Variants in CNTNAP5 observed in about 807,000 individuals in gnomAD.
CNTNAP5 encodes contactin-associated protein-like 5.
In CNTNAP5, 72 loss-of-function variants were observed where a neutral mutation model predicts 150.2. That is an observed-to-expected ratio of 0.48 (90% confidence interval 0.40 to 0.58). The LOEUF is 0.58. Ranked by LOEUF, CNTNAP5 falls within the 20% of genes least tolerant of loss-of-function variation. The pLI, the probability that CNTNAP5 is intolerant of heterozygous loss-of-function variation, is 0.00. For missense variants in CNTNAP5, 1,636 were observed against 1,626.2 expected, an observed-to-expected ratio of 1.01 and a Z score of -0.10; for synonymous variants, 672 against 619.8, an observed-to-expected ratio of 1.08 and a Z score of -1.25.
At chr2:124,895,727 C>A (rs1432499284) in intron 21 of CNTNAP5, among the ~76,000 whole-genome samples, 3 of 151,600 alleles carry the variant, frequency 2.0e-5, no homozygotes, top group African/African-American at 7.3e-5. Context: ...TTGATAACCA[C>A]ACACATGGAC....
At chr2:124,178,838 A>T (rs1403184763) in intron 1 of CNTNAP5, among the ~76,000 whole-genome samples, 2 of 152,110 alleles carry the variant, frequency 1.3e-5, no homozygotes, top group Non-Finnish European at 1.5e-5. Context: ...TATAGCCTGT[A>T]AATAGATAGC....
At chr2:124,301,549 T>G (rs1688567784) in intron 3 of CNTNAP5, among the ~76,000 whole-genome samples, 1 of 152,322 alleles carries the variant, frequency 6.6e-6, no homozygotes, top group South Asian at 2.1e-4. Flanking sequence ...CTACCTATAG[T>G]GCTATGTGAC....
chr2:124,436,098 G>C (rs149415897), intron 5 of CNTNAP5, among the ~76,000 whole-genome samples: 2 of 152,296 alleles, frequency 1.3e-5, no homozygotes, highest in African/African-American at 4.8e-5. Flanking sequence ...GAGATCAGAT[G>C]AATGAAGTTG....
chr2:124,100,260 G>A (rs1332746366), intron 1 of CNTNAP5, among the ~76,000 whole-genome samples: 2 of 152,040 alleles, frequency 1.3e-5, no homozygotes, highest in African/African-American at 2.4e-5. Context: ...CAAGAAGATG[G>A]TGCTAAACTG....
chr2:124,783,436 T>C (rs1054892689), intron 17 of CNTNAP5, among the ~76,000 whole-genome samples: 3 of 152,170 alleles, frequency 2.0e-5, no homozygotes, highest in Admixed American at 6.5e-5. Flanking sequence ...ATCAATTAAA[T>C]ATTAATATTT....
intron 20 of CNTNAP5, among the ~76,000 whole-genome samples, chr2:124,867,217 G>T (rs978082379): frequency 6.6e-6 from 1 of 152,080 alleles, no homozygotes; most frequent in African/African-American, 2.4e-5. Context: ...GACAACAATA[G>T]CTAAACAAGC....
intron 8 of CNTNAP5, among the ~76,000 whole-genome samples, chr2:124,506,420 A>C (rs1694409055): frequency 6.6e-6 from 1 of 152,126 alleles, no homozygotes. Flanking sequence ...TTTCATACTC[A>C]TGCCTCTCTG....
At position 124,706,209 on chromosome 2, in the gene CNTNAP5, G is replaced by A. The variant is rs965894118; in HGVS notation, c.2078-41020G>A. Among the ~76,000 whole-genome samples, 3 of 151,990 alleles carry A rather than the reference G, an allele frequency of 2.0e-5. No homozygotes were observed. In the South Asian group the frequency reaches 6.2e-4, roughly 31 times the overall value. On this transcript the variant is annotated intron_variant, in intron 13 of 23. Coordinates refer to ENST00000682447, the MANE Select transcript of CNTNAP5 (RefSeq NM_001367498.1). ...CCAAATGTTAGAAATAATTAGTTTT[G>A]TAAGGCTTGGGGTCAATGTCCATTG...
At chr2:124,209,150 A>T (rs1275467450) in intron 1 of CNTNAP5, among the ~76,000 whole-genome samples, 1 of 152,116 alleles carries the variant, frequency 6.6e-6, no homozygotes, top group Non-Finnish European at 1.5e-5. Flanking sequence ...TTGCTCACTC[A>T]TCAGACTTCA....
chr2:124,361,360 A>G (rs201231998), intron 3 of CNTNAP5, among the ~76,000 whole-genome samples: 1 of 144,490 alleles, frequency 6.9e-6, no homozygotes. Flanking sequence ...GAGGAACTGC[A>G]TTCCTTTGGA....
chr2:124,087,885 TTC>T (rs1469520725), intron 1 of CNTNAP5, among the ~76,000 whole-genome samples: 3 of 152,208 alleles, frequency 2.0e-5, no homozygotes, highest in African/African-American at 7.2e-5. Flanking sequence ...CAAGATGTTT[TTC>T]TTTGTTTTTA....
intron 5 of CNTNAP5, among the ~76,000 whole-genome samples, chr2:124,438,060 C>G (rs555982623): frequency 3.9e-5 from 6 of 152,264 alleles, no homozygotes; most frequent in African/African-American, 1.4e-4. Context: ...TTGTTCTTCT[C>G]TAGTGATGCT....
chr2:124,103,846 AATAG>A (rs1392847325), intron 1 of CNTNAP5, among the ~76,000 whole-genome samples: 6 of 147,962 alleles, frequency 4.1e-5, no homozygotes, highest in East Asian at 1.9e-4. Context: ...TATAGTTAAT[AATAG>A]ATATATATAA....
chr2:124,112,757 A>G (rs1461515977), intron 1 of CNTNAP5, among the ~76,000 whole-genome samples: 6 of 152,102 alleles, frequency 3.9e-5, no homozygotes, highest in Non-Finnish European at 8.8e-5. Flanking sequence ...TTTTCTTTAT[A>G]GTATTTATTA....
chr2:124,282,249 G>C (rs988698856), intron 3 of CNTNAP5, among the ~76,000 whole-genome samples: 1 of 152,136 alleles, frequency 6.6e-6, no homozygotes, highest in East Asian at 1.9e-4. Flanking sequence ...CTAATGTTTA[G>C]CTACAACAAA....
chr2:124,514,234 C>A (rs981598748), intron 8 of CNTNAP5, among the ~76,000 whole-genome samples: 3 of 151,948 alleles, frequency 2.0e-5, no homozygotes, highest in Non-Finnish European at 4.4e-5. Context: ...TTTAAGATAC[C>A]AAGCAAAGGT....
intron 11 of CNTNAP5, among the ~76,000 whole-genome samples, chr2:124,572,221 C>T (rs949304560): frequency 6.6e-6 from 1 of 151,756 alleles, no homozygotes; most frequent in African/African-American, 2.4e-5. Flanking sequence ...AGGGGGAATG[C>T]TTCTTCTGGG....
At chr2:124,852,850 G>C (rs867967690) in intron 19 of CNTNAP5, among the ~76,000 whole-genome samples, 8 of 152,136 alleles carry the variant, frequency 5.3e-5, no homozygotes, top group Admixed American at 6.5e-5. Context: ...ACATGTATAG[G>C]GGTTCTGGTC....
intron 10 of CNTNAP5, among the ~76,000 whole-genome samples, chr2:124,547,698 G>A (rs1412442165): frequency 6.6e-6 from 1 of 152,198 alleles, no homozygotes; most frequent in African/African-American, 2.4e-5. Context: ...CCTTGCAGGG[G>A]TTCTCATATT....
Sources: gnomAD v4.1 joint callset for allele counts (sites outside exome capture counted in the v4.1 genomes callset) on GRCh38, gnomAD v4.1.1 for gene constraint, MANE v1.5 for transcripts, NCBI Gene and HGNC (gene_info 2026-07-23, HGNC 2026-07-21) for gene names.